LMF1: variants seen among roughly 807,000 people sequenced by gnomAD.
LMF1 encodes transmembrane protein 112.
A neutral mutation model predicts 60.6 loss-of-function variants in LMF1; 68 were observed. The ratio of observed to expected loss-of-function variants is 1.12; its 90% CI spans 0.92 to 1.37. The LOEUF is 1.37. Ranked by LOEUF, LMF1 falls within the 40% of genes most tolerant of loss-of-function variation. The pLI, the probability that LMF1 is intolerant of heterozygous loss-of-function variation, is 0.00. For synonymous variants in LMF1, 418 were observed against 324.7 expected (o/e 1.29, Z -3.09); for missense variants, 948 against 767.2 (o/e 1.24, Z -2.78).
chr16:863,205 G>A (rs1040146890), intron 10 of LMF1, among the ~76,000 whole-genome samples: 6 of 152,120 alleles, frequency 3.9e-5, no homozygotes, highest in Admixed American at 1.3e-4. Context: ...TTGTGGTGTC[G>A]CCCAGGCTGG....
At chr16:894,729 C>T (rs1442478063) in intron 4 of LMF1, among the ~76,000 whole-genome samples, 1 of 152,224 alleles carries the variant, frequency 6.6e-6, no homozygotes, top group East Asian at 1.9e-4. Context: ...CTGTTGCCCA[C>T]ACGGTGGGAA....
chr16:954,323 C>T, intron 2 of LMF1, 34 bp downstream of exon 2: 1 of 1,596,618 alleles, frequency 6.3e-7, no homozygotes, highest in Non-Finnish European at 8.5e-7. Context: ...GACAGCAAGC[C>T]CTAAGCTCCG....
At chr16:871,951 G>A (rs1446539915) in intron 6 of LMF1, 1 of 152,474 alleles carries the variant, frequency 6.6e-6, no homozygotes, top group Admixed American at 6.5e-5. Context: ...AGAGCTCCAA[G>A]GAAAGACTCA....
chr16:867,183 G>C (rs1237499347), intron 10 of LMF1, among the ~76,000 whole-genome samples: 1 of 152,200 alleles, frequency 6.6e-6, no homozygotes, highest in East Asian at 1.9e-4. Flanking sequence ...TTCCCTAAAT[G>C]TTAACTCATT....
At chr16:877,430 G>C (rs865875574) in intron 6 of LMF1, among the ~76,000 whole-genome samples, 1 of 152,136 alleles carries the variant, frequency 6.6e-6, no homozygotes, top group Admixed American at 6.6e-5. Flanking sequence ...CCAGGTGTGA[G>C]GGACGGTCAC....
upstream of LMF1, among the ~76,000 whole-genome samples, chr16:973,306 C>G (rs532230920): frequency 9.2e-5 from 14 of 152,306 alleles, no homozygotes; most frequent in East Asian, 2.5e-3. Flanking sequence ...GATCGCGCCA[C>G]TGCACTCCAG....
chr16:975,522 C>T (rs997890477), upstream of LMF1, among the ~76,000 whole-genome samples: 10 of 152,304 alleles, frequency 6.6e-5, no homozygotes, highest in African/African-American at 7.2e-5. Context: ...TGTCGCCAGG[C>T]GGTGCTGTCC....
chr16:901,888 A>G (rs940432956), intron 4 of LMF1: 1 of 152,390 alleles, frequency 6.6e-6, no homozygotes, highest in Admixed American at 6.5e-5. Flanking sequence ...CATGACCCGC[A>G]CAACCTGAGG....
In LMF1 at chr16:853,717, ATG is replaced by A. The variant is rs764125368; in HGVS notation, c.*813_*814del. On this transcript the variant is annotated 3_prime_UTR_variant, in exon 11 of 11. Transcript: ENST00000262301. Reference sequence around the variant, plus strand: ...TGGCTCAAGAATAGGAATAAGAAAAATGTGCAGTAGACGCTGTTTGTCCGACG... The same window carrying A: ...TGGCTCAAGAATAGGAATAAGAAAAATGCAGTAGACGCTGTTTGTCCGACG... 5.5e-5 allele frequency: 25 copies of A among 454,010 alleles called. No individual in the cohort carries two copies. The highest frequency in any genetic ancestry group is 3.3e-4 in the South Asian group (21 of 64,484). 28.1% of individuals were successfully genotyped at this position (454,010 alleles called of 1,614,324 possible).
At chr16:910,235 G>GTTCACCGTTT (rs2071073061) in intron 4 of LMF1, among the ~76,000 whole-genome samples, 1 of 152,214 alleles carries the variant, frequency 6.6e-6, no homozygotes, top group Admixed American at 6.5e-5. Flanking sequence ...ACAGGGGGTT[G>GTTCACCGTTT]GCATGTGATT....
chr16:981,141 T>C (rs2073347074), intron 1 of LMF1: 1 of 442,882 alleles, frequency 2.3e-6, no homozygotes, highest in Non-Finnish European at 4.5e-6. Flanking sequence ...TTGAAGCGCG[T>C]TACCTGGACG....
chr16:981,444 G>C (rs545092337), upstream of LMF1: 158 of 295,878 alleles, frequency 5.3e-4, 1 homozygote, highest in African/African-American at 3.2e-3. Context: ...GACGGGGGGC[G>C]GACTCTCAGG....
intron 5 of LMF1, among the ~76,000 whole-genome samples, chr16:888,075 A>C (rs1470843531): frequency 6.6e-6 from 1 of 152,220 alleles, no homozygotes; most frequent in Non-Finnish European, 1.5e-5. Flanking sequence ...CCCTGACAGC[A>C]TCCTTCGGCG....
At chr16:876,662 G>C (rs1356346466) in intron 6 of LMF1, among the ~76,000 whole-genome samples, 1 of 152,080 alleles carries the variant, frequency 6.6e-6, no homozygotes, top group African/African-American at 2.4e-5. Context: ...AGCAAAGGAC[G>C]CAAGTGGCTT....
intron 5 of LMF1, among the ~76,000 whole-genome samples, chr16:884,393 C>T (rs562302234): frequency 6.6e-5 from 10 of 152,300 alleles, no homozygotes; most frequent in South Asian, 4.1e-4. Context: ...GCAAATGAGA[C>T]GAGAGTAGAG....
intron 2 of LMF1, among the ~76,000 whole-genome samples, chr16:943,835 T>C (rs1358966734): frequency 3.3e-5 from 5 of 152,156 alleles, no homozygotes; most frequent in East Asian, 1.9e-4. Flanking sequence ...TTGGCTATCA[T>C]GGTCAGTTTC....
intron 1 of LMF1, among the ~76,000 whole-genome samples, chr16:959,717 C>T (rs1286874239): frequency 6.6e-6 from 1 of 152,212 alleles, no homozygotes; most frequent in South Asian, 2.1e-4. Context: ...CTTTCCCCCC[C>T]GGGCCTGGGT....
chr16:959,593 T>A (rs1300450411), intron 1 of LMF1, among the ~76,000 whole-genome samples: 2 of 152,140 alleles, frequency 1.3e-5, no homozygotes, highest in Non-Finnish European at 2.9e-5. Context: ...CGCACGGATG[T>A]GAAACAGAAA....
At chr16:952,284 C>CCTT in intron 2 of LMF1, among the ~76,000 whole-genome samples, 1 of 150,286 alleles carries the variant, frequency 6.7e-6, no homozygotes, top group Non-Finnish European at 1.5e-5. Flanking sequence ...CAAGTGCCCA[C>CCTT]TCCAGCACAG....
Sources: gnomAD v4.1 joint callset for allele counts (sites outside exome capture counted in the v4.1 genomes callset) on GRCh38, gnomAD v4.1.1 for gene constraint, MANE v1.5 for transcripts, NCBI Gene and HGNC (gene_info 2026-07-23, HGNC 2026-07-21) for gene names.